KALRN: variants seen among roughly 807,000 people sequenced by gnomAD.
KALRN encodes the protein kalirin RhoGEF kinase.
In KALRN, 70 loss-of-function variants were observed where a neutral mutation model predicts 353.7. The ratio of observed to expected loss-of-function variants is 0.20; its 90% CI spans 0.16 to 0.24. The LOEUF is 0.24. Ranked by LOEUF, KALRN falls within the 10% of genes least tolerant of loss-of-function variation. The pLI is 1.00. For missense variants in KALRN, 2,791 were observed against 3,756.7 expected, an observed-to-expected ratio of 0.74 and a Z score of 6.72; for synonymous variants, 1,391 against 1,434.8, an observed-to-expected ratio of 0.97 and a Z score of 0.69.
intron 21 of KALRN, among the ~76,000 whole-genome samples, chr3:124,451,197 T>G (rs1374022246): frequency 6.6e-6 from 1 of 151,812 alleles, no homozygotes; most frequent in Non-Finnish European, 1.5e-5. Flanking sequence ...TTAAAAAAAT[T>G]TACTCAGAGT....
intron 50 of KALRN, among the ~76,000 whole-genome samples, chr3:124,678,919 AC>A (rs758259762): frequency 8.5e-5 from 13 of 152,058 alleles, no homozygotes; most frequent in Admixed American, 2.6e-4. Flanking sequence ...ACTCTTATTT[AC>A]CCCCATCTTG....
intron 17 of KALRN, among the ~76,000 whole-genome samples, chr3:124,438,006 A>C (rs2093539349): frequency 6.6e-6 from 1 of 152,162 alleles, no homozygotes. Context: ...TTTTATTGCT[A>C]TACTTTTTAA....
chr3:124,719,465 A>G lies in KALRN; in HGVS notation c.8956A>G (p.Thr2986Ala). ...SYIVNRVNQGT is the reference protein window; with the variant it reads ...SYIVNRVNQGA ...CATTGTCAACCGGGTGAACCAAGGG[A>G]CGTAGCCATCTCCCAGCCCCTATGG... is the stretch of plus-strand genomic sequence containing the variant. Residue 2986 changes from threonine to alanine, a missense_variant, in exon 60 of 60, where the codon ACG becomes GCG. Physicochemically the swap from Thr to Ala is moderately conservative, Grantham distance 58 (BLOSUM62 0). Around this residue, in one of 11 missense-constraint regions of KALRN, gnomAD observed 32 missense variants for 27.4 expected, o/e 1.17. Transcript: ENST00000682506. The surrounding 1 kb of genome is among the most constrained non-coding windows in gnomAD (Gnocchi z 5.3). 5 of 1,611,442 alleles carry G rather than the reference A, an allele frequency of 3.1e-6. No individual in the cohort carries two copies. The highest frequency in any genetic ancestry group is 4.2e-6 in the Non-Finnish European group (5 of 1,178,146).
chr3:124,522,962 A>C (rs2109031849), intron 33 of KALRN, among the ~76,000 whole-genome samples: 1 of 152,338 alleles, frequency 6.6e-6, no homozygotes, highest in South Asian at 2.1e-4. Context: ...TGTGTCCTGA[A>C]AGGAGGTGCC....
chr3:124,135,388 G>C (rs1000755877), intron 1 of KALRN, among the ~76,000 whole-genome samples: 1 of 152,116 alleles, frequency 6.6e-6, no homozygotes, highest in African/African-American at 2.4e-5. Context: ...AAGAGTGGGA[G>C]GGGGGCAAGG....
intron 18 of KALRN, among the ~76,000 whole-genome samples, chr3:124,441,015 G>A (rs905257638): frequency 6.6e-6 from 1 of 152,074 alleles, no homozygotes; most frequent in Admixed American, 6.6e-5. Flanking sequence ...AGTCGTAAAG[G>A]GGGTAGGTAA....
chr3:124,110,558 T>G (rs2062868174), intron 1 of KALRN, among the ~76,000 whole-genome samples: 1 of 151,962 alleles, frequency 6.6e-6, no homozygotes, highest in Non-Finnish European at 1.5e-5. Context: ...CTGATGATCC[T>G]TCTTCATGGT....
At chr3:124,585,305 C>T (rs2075054290) in intron 34 of KALRN, among the ~76,000 whole-genome samples, 1 of 152,094 alleles carries the variant, frequency 6.6e-6, no homozygotes, top group Admixed American at 6.6e-5. Flanking sequence ...ATCTCAGCTG[C>T]GGGATTAACG....
chr3:124,713,193 C>A, intron 58 of KALRN, 58 bp downstream of exon 58: 1 of 1,456,016 alleles, frequency 6.9e-7, no homozygotes, highest in Non-Finnish European at 9.4e-7. Context: ...TAGCTTTTGC[C>A]CACAATTAAT....
Position 124,430,724 on chromosome 3 carries a change from G to C in KALRN, c.2778G>C (p.Ser926=), listed in dbSNP as rs764238937. The C allele has an allele frequency of 1.9e-6, 3 of 1,614,118 alleles. No individual in the cohort carries two copies. The highest frequency in any genetic ancestry group is 2.5e-6 in the Non-Finnish European group (3 of 1,180,002). The change falls in exon 16 of 60, where the codon TCG becomes TCC. Residue 926 remains serine, a synonymous_variant. Transcript: ENST00000682506. ...NASLVNASSL[S]EAEQLQREHE... ...GCCTGGTCAATGCCAGCTCTTTGTC[G>C]GAAGCAGAGCAGCTGCAGCGGGAGC... is the stretch of plus-strand genomic sequence containing the variant.
At chr3:124,562,574 G>A (rs181557087) in intron 33 of KALRN, 1 of 314,140 alleles carries the variant, frequency 3.2e-6, no homozygotes, top group East Asian at 8.4e-5. Flanking sequence ...GCAGGCTTCA[G>A]ACTGTGGCTA....
chr3:124,695,412 T>C (rs2062006942), intron 53 of KALRN, among the ~76,000 whole-genome samples: 1 of 152,214 alleles, frequency 6.6e-6, no homozygotes, highest in Non-Finnish European at 1.5e-5. Context: ...CATCATTCCT[T>C]GGTATTCCCA....
chr3:124,532,278 G>A (rs1239655622), intron 33 of KALRN, among the ~76,000 whole-genome samples: 1 of 152,202 alleles, frequency 6.6e-6, no homozygotes, highest in Non-Finnish European at 1.5e-5. Context: ...GCATGACATT[G>A]CTCTAGAAAT....
intron 34 of KALRN, among the ~76,000 whole-genome samples, chr3:124,608,855 A>G (rs781412742): frequency 4.6e-5 from 7 of 152,216 alleles, no homozygotes; most frequent in Non-Finnish European, 1.0e-4. Flanking sequence ...ATCATGCAGC[A>G]AGTTAAGAGT....
chr3:124,471,256 T>TTTTTATTA (rs377604411), intron 25 of KALRN, among the ~76,000 whole-genome samples: 3 of 138,822 alleles, frequency 2.2e-5, no homozygotes, highest in African/African-American at 8.0e-5. Flanking sequence ...CCCACAAAGT[T>TTTTTATTA]TTATTATTAT....
chr3:124,084,641 TTGAG>T (rs1221558388), intron 1 of KALRN, among the ~76,000 whole-genome samples: 1 of 152,246 alleles, frequency 6.6e-6, no homozygotes, highest in Non-Finnish European at 1.5e-5. Context: ...GCTTTGTTTA[TTGAG>T]TGTTTTTAGT....
At chr3:124,357,934 ATC>A (rs1286468391) in intron 10 of KALRN, among the ~76,000 whole-genome samples, 3 of 152,190 alleles carry the variant, frequency 2.0e-5, no homozygotes, top group Non-Finnish European at 4.4e-5. Context: ...AGGCCAGATG[ATC>A]TCTGAGGTCC....
At chr3:124,067,799 C>A (rs2042499750) in intron 1 of KALRN, among the ~76,000 whole-genome samples, 1 of 152,236 alleles carries the variant, frequency 6.6e-6, no homozygotes, top group Non-Finnish European at 1.5e-5. Flanking sequence ...GCCAGGGGAG[C>A]CACTCACCAG....
chr3:124,550,279 A>G lies in KALRN; in HGVS notation c.4936-12564A>G, dbSNP rs150270177. On this transcript the variant is annotated intron_variant, in intron 33 of 59. Transcript: ENST00000682506. ...AGGTAGTTCATCTGGGCTGAGCTAT[A>G]GTGGAGGGAGCCGGAAGGGAGGAAG... 5.3e-3 allele frequency among the ~76,000 whole-genome samples: 804 copies of G among 152,276 alleles called. 6 individuals are homozygous for G. The highest frequency in any genetic ancestry group is 6.8e-3 in the Middle Eastern group (2 of 294).
Sources: allele counts gnomAD v4.1 joint callset (sites outside exome capture counted in the v4.1 genomes callset), GRCh38; gene constraint gnomAD v4.1.1; regional missense constraint gnomAD v4.1.1; non-coding constraint Gnocchi (gnomAD v3.1); transcripts MANE v1.5; gene names NCBI Gene and HGNC (gene_info 2026-07-23, HGNC 2026-07-21).